The following CFAP299 variants were observed in gnomAD, a reference collection of about 807,000 sequenced individuals.
The protein encoded by CFAP299 is cilia- and flagella-associated protein 299.
In CFAP299, 21 loss-of-function variants were observed where a neutral mutation model predicts 27.0. The observed-to-expected ratio is 0.78, with a 90% CI of 0.55 to 1.12. The LOEUF (loss-of-function observed/expected upper bound fraction) is 1.12, where lower values mean the gene tolerates loss of function less well. Among genes scored for constraint, CFAP299 ranks in the 50% most tolerant of loss-of-function variants. CFAP299 has a pLI of 0.00. For synonymous variants in CFAP299, 104 were observed against 98.1 expected (o/e 1.06, Z -0.36); for missense variants, 310 against 276.6 (o/e 1.12, Z -0.86).
intron 2 of CFAP299, among the ~76,000 whole-genome samples, chr4:80,389,132 G>C (rs1200455134): frequency 1.3e-5 from 2 of 152,074 alleles, no homozygotes; most frequent in Admixed American, 1.3e-4. Flanking sequence ...CTCCTTTTAT[G>C]CCTGGGATAA....
At chr4:80,388,564 A>G (rs1725155615) in intron 2 of CFAP299, 1 of 1,418,776 alleles carries the variant, frequency 7.0e-7, no homozygotes, top group Non-Finnish European at 9.9e-7. Flanking sequence ...AGAGAAAGAC[A>G]TCCTCATCAT....
chr4:80,620,706 T>C (rs1417399419), intron 3 of CFAP299, among the ~76,000 whole-genome samples: 1 of 152,110 alleles, frequency 6.6e-6, no homozygotes, highest in Non-Finnish European at 1.5e-5. Flanking sequence ...CTATCTCTCC[T>C]GCCTCTTTTG....
chr4:80,902,467 T>TATATATGGATATACATATATAC (rs1734958752), intron 4 of CFAP299, among the ~76,000 whole-genome samples: 1 of 117,306 alleles, frequency 8.5e-6, no homozygotes, highest in African/African-American at 4.9e-5. Context: ...TACATATATG[T>TATATATGGATATACATATATAC]ATATATGTAT....
intron 3 of CFAP299, among the ~76,000 whole-genome samples, chr4:80,827,283 A>G (rs923429760): frequency 6.6e-6 from 1 of 151,876 alleles, no homozygotes; most frequent in Non-Finnish European, 1.5e-5. Flanking sequence ...ACTATCCCTT[A>G]TAAACATTGA....
chr4:80,647,267 AT>A (rs1263468095), intron 3 of CFAP299, among the ~76,000 whole-genome samples: 1 of 152,108 alleles, frequency 6.6e-6, no homozygotes, highest in Non-Finnish European at 1.5e-5. Context: ...TTAATGGAAG[AT>A]TTCAGTATAC....
chr4:80,773,304 G>A (rs1272182595), intron 3 of CFAP299, among the ~76,000 whole-genome samples: 1 of 152,116 alleles, frequency 6.6e-6, no homozygotes, highest in African/African-American at 2.4e-5. Flanking sequence ...TAGATTAGTT[G>A]AGTCCTAGTA....
At chr4:80,427,411 A>G (rs1727578234) in intron 2 of CFAP299, among the ~76,000 whole-genome samples, 1 of 152,218 alleles carries the variant, frequency 6.6e-6, no homozygotes, top group Non-Finnish European at 1.5e-5. Context: ...ATGCAATTAT[A>G]TAACTAATCT....
intron 3 of CFAP299, among the ~76,000 whole-genome samples, chr4:80,583,695 A>G (rs1029317548): frequency 3.3e-5 from 5 of 152,004 alleles, no homozygotes; most frequent in African/African-American, 1.2e-4. Flanking sequence ...AATGTGTGCT[A>G]TATCAAATAT....
intron 4 of CFAP299, among the ~76,000 whole-genome samples, chr4:80,898,131 C>T (rs1734702228): frequency 6.6e-6 from 1 of 152,162 alleles, no homozygotes; most frequent in Non-Finnish European, 1.5e-5. Flanking sequence ...GTTAACAGCT[C>T]AGTGGGCCCT....
At chr4:80,355,646 GT>G (rs1303160298) in intron 1 of CFAP299, among the ~76,000 whole-genome samples, 2 of 151,888 alleles carry the variant, frequency 1.3e-5, no homozygotes, top group Non-Finnish European at 2.9e-5. Flanking sequence ...GGGGTTGATT[GT>G]TTTTTTCTTG....
chr4:80,546,047 C>A (rs972867485), intron 2 of CFAP299, among the ~76,000 whole-genome samples: 2 of 152,104 alleles, frequency 1.3e-5, no homozygotes, highest in Non-Finnish European at 2.9e-5. Flanking sequence ...TGGTAAAATT[C>A]ATCCCTCAGT....
At chr4:80,570,854 C>A (rs1179764534) in intron 2 of CFAP299, among the ~76,000 whole-genome samples, 1 of 152,044 alleles carries the variant, frequency 6.6e-6, no homozygotes, top group Non-Finnish European at 1.5e-5. Context: ...GTTGTATATT[C>A]ATACACGAGA....
intron 3 of CFAP299, among the ~76,000 whole-genome samples, chr4:80,692,176 C>G (rs999200821): frequency 5.3e-5 from 8 of 152,162 alleles, no homozygotes; most frequent in African/African-American, 1.9e-4. Flanking sequence ...ACTTTCTTCA[C>G]AGAATTGGGA....
At chr4:80,923,141 G>A (rs1409214912) in intron 4 of CFAP299, among the ~76,000 whole-genome samples, 1 of 151,914 alleles carries the variant, frequency 6.6e-6, no homozygotes, top group African/African-American at 2.4e-5. Context: ...TGGTTGTTAC[G>A]GGCTTTGCCT....
rs1227536260 is a variant in CFAP299 at position 80,864,831 on chromosome 4, G to C, written c.334-5162G>C. ...TTATTGAGTGCTTACCATGTATCAG[G>C]CATTACCAAGGGCTTAGCAAAATAG... On this transcript the variant is annotated intron_variant, in intron 3 of 5. Coordinates refer to ENST00000358105, the MANE Select transcript of CFAP299 (RefSeq NM_152770.3). Among the ~76,000 whole-genome samples the C allele has an allele frequency of 2.0e-5, 3 of 152,082 alleles. No individual in the cohort carries two copies. In the East Asian group the frequency reaches 5.8e-4, roughly 29 times the overall value.
intron 2 of CFAP299, among the ~76,000 whole-genome samples, chr4:80,553,044 G>T (rs746065848): frequency 2.6e-5 from 4 of 151,828 alleles, no homozygotes; most frequent in Non-Finnish European, 5.9e-5. Flanking sequence ...ACACATGAAG[G>T]TTTGTTACAT....
intron 3 of CFAP299, among the ~76,000 whole-genome samples, chr4:80,855,972 G>A (rs1578186497): frequency 6.6e-6 from 1 of 151,760 alleles, no homozygotes; most frequent in East Asian, 1.9e-4. Context: ...GATCCCTGAG[G>A]AATTGCCACA....
At chr4:80,672,535 G>T (rs1027381695) in intron 3 of CFAP299, among the ~76,000 whole-genome samples, 2 of 152,184 alleles carry the variant, frequency 1.3e-5, no homozygotes, top group African/African-American at 4.8e-5. Flanking sequence ...AGTTAGGGAG[G>T]ATTCCCTCTT....
At chr4:80,420,931 C>T (rs1376447870) in intron 2 of CFAP299, among the ~76,000 whole-genome samples, 2 of 152,194 alleles carry the variant, frequency 1.3e-5, no homozygotes, top group African/African-American at 4.8e-5. Context: ...CTGTGCTGCA[C>T]AAAAGGCCTT....
Sources: gnomAD v4.1 joint callset for allele counts (sites outside exome capture counted in the v4.1 genomes callset) on GRCh38, gnomAD v4.1.1 for gene constraint, MANE v1.5 for transcripts, NCBI Gene and HGNC (gene_info 2026-07-23, HGNC 2026-07-21) for gene names.